The following IL7 variants were observed in gnomAD, a reference collection of about 807,000 sequenced individuals.
IL7 encodes interleukin 7, also known as interleukin-7.
IL7 carries 3 observed loss-of-function variants against 21.6 expected under a neutral mutation model. That is an observed-to-expected ratio of 0.14 (90% CI 0.06 to 0.36). The LOEUF is 0.36. Ranked by LOEUF, IL7 falls within the 10% of genes least tolerant of loss-of-function variation. The pLI is 1.00. For synonymous variants in IL7, 62 were observed against 68.1 expected, an observed-to-expected ratio of 0.91 and a Z score of 0.44; for missense variants, 175 against 200.2, an observed-to-expected ratio of 0.87 and a Z score of 0.76.
chr8:78,696,217 G>A (rs1810407795), intron 3 of IL7, among the ~76,000 whole-genome samples: 1 of 152,020 alleles, frequency 6.6e-6, no homozygotes, highest in Non-Finnish European at 1.5e-5. Context: ...TGTATTTTTA[G>A]TAGAGACGGG....
At chr8:78,689,169 T>C (rs1810124354) in intron 3 of IL7, 3 of 1,298,998 alleles carry the variant, frequency 2.3e-6, no homozygotes, top group South Asian at 4.7e-5. Flanking sequence ...GATTTTTTAA[T>C]GTCCGTTTCA....
chr8:78,775,862 T>A (rs10097303), intron 2 of IL7, among the ~76,000 whole-genome samples: 1 of 152,054 alleles, frequency 6.6e-6, no homozygotes, highest in East Asian at 1.9e-4. Flanking sequence ...TGGACCTCTG[T>A]GTAAGATTTT....
intron 2 of IL7, among the ~76,000 whole-genome samples, chr8:78,785,195 A>G (rs1813469080): frequency 6.6e-6 from 1 of 152,114 alleles, no homozygotes; most frequent in Non-Finnish European, 1.5e-5. Flanking sequence ...TTTATAGTAC[A>G]TGATATACTA....
intron 5 of IL7, among the ~76,000 whole-genome samples, chr8:78,720,721 T>G (rs1811221613): frequency 6.6e-6 from 1 of 151,958 alleles, no homozygotes. Context: ...TTGATAGAGA[T>G]ATTTAATAAT....
intron 2 of IL7, among the ~76,000 whole-genome samples, chr8:78,787,347 T>C (rs1343875599): frequency 6.6e-6 from 1 of 152,172 alleles, no homozygotes; most frequent in Non-Finnish European, 1.5e-5. Context: ...AGTGTCATAA[T>C]TGAATTGACA....
At chr8:78,786,243 T>C (rs1363390319) in intron 2 of IL7, among the ~76,000 whole-genome samples, 1 of 152,218 alleles carries the variant, frequency 6.6e-6, no homozygotes, top group Non-Finnish European at 1.5e-5. Flanking sequence ...TATAGTCTAT[T>C]GCTCTCAGGC....
chr8:78,778,885 G>GT, intron 2 of IL7, among the ~76,000 whole-genome samples: 1 of 152,066 alleles, frequency 6.6e-6, no homozygotes, highest in Admixed American at 6.6e-5. Flanking sequence ...AGCATGACAT[G>GT]TTTTTTCATT....
downstream of IL7, among the ~76,000 whole-genome samples, chr8:78,675,155 A>C (rs1350857935): frequency 6.6e-6 from 1 of 151,600 alleles, no homozygotes; most frequent in East Asian, 1.9e-4. Context: ...AATTGAGTGA[A>C]AGTTGTAGCT....
intron 4 of IL7, chr8:78,685,783 G>A (rs2130481177): frequency 6.6e-6 from 1 of 152,254 alleles, no homozygotes; most frequent in South Asian, 2.1e-4. Flanking sequence ...TCTGTTAGAG[G>A]ATCTATGGAA....
At chr8:78,701,894 T>C (rs2130564329) in intron 3 of IL7, among the ~76,000 whole-genome samples, 1 of 152,288 alleles carries the variant, frequency 6.6e-6, no homozygotes. Context: ...GATTTGCTAG[T>C]ATTTTGTTGA....
At chr8:78,738,064 A>T (rs1368678448) in intron 4 of IL7, among the ~76,000 whole-genome samples, 1 of 152,140 alleles carries the variant, frequency 6.6e-6, no homozygotes, top group Admixed American at 6.6e-5. Flanking sequence ...AAAGAAGGGA[A>T]AATTGTTGGA....
intron 1 of IL7, among the ~76,000 whole-genome samples, chr8:78,799,896 A>G (rs1188375674): frequency 2.0e-5 from 3 of 152,152 alleles, no homozygotes; most frequent in Non-Finnish European, 4.4e-5. Flanking sequence ...TAATTTAAAA[A>G]AAATATTTTG....
At chr8:78,728,618 C>G (rs1406021576), downstream of IL7, among the ~76,000 whole-genome samples, 3 of 151,986 alleles carry the variant, frequency 2.0e-5, no homozygotes, top group African/African-American at 7.2e-5. Context: ...ACAAATAAGT[C>G]ATGAACCTAA....
At chr8:78,801,096 A>G (rs1164335976) in intron 1 of IL7, among the ~76,000 whole-genome samples, 1 of 152,198 alleles carries the variant, frequency 6.6e-6, no homozygotes, top group Non-Finnish European at 1.5e-5. Context: ...TCAATTTTAA[A>G]ACATAATTTG....
chr8:78,764,002 T>C lies in IL7; in HGVS notation c.148-23920A>G, dbSNP rs992097400. ...ATAGCACTTATCATCTACACCACAA[T>C]TGAGTGGATTTAATTTCAGGTATGC... On this transcript the variant is annotated intron_variant, in intron 2 of 5. Transcript: ENST00000263851. Among the ~76,000 whole-genome samples the C allele has an allele frequency of 5.9e-5, 9 of 152,288 alleles. 1 individual carries two copies. In the South Asian group the frequency reaches 1.7e-3, roughly 28 times the overall value.
chr8:78,763,149 G>A lies in IL7; in HGVS notation c.148-23067C>T, dbSNP rs141467107. ...GCTGCACACAAGCACTGTCAGTGGT[G>A]AGTAGAATTGGCCAATATGCAGCCC... On this transcript the variant is annotated intron_variant, in intron 2 of 5. Transcript: ENST00000263851. 5.0e-3 allele frequency among the ~76,000 whole-genome samples: 763 copies of A among 152,350 alleles called. 10 individuals are homozygous for A. The highest frequency in any genetic ancestry group is 0.018 in the African/African-American group (736 of 41,578).
chr8:78,698,414 G>T (rs1458103060), intron 3 of IL7: 2 of 1,607,506 alleles, frequency 1.2e-6, no homozygotes, highest in African/African-American at 2.7e-5. Flanking sequence ...TTATTATAAG[G>T]TGTTCCTTCA....
chr8:78,789,575 A>T (rs1433344782), intron 2 of IL7, among the ~76,000 whole-genome samples: 6 of 152,102 alleles, frequency 3.9e-5, no homozygotes, highest in Non-Finnish European at 7.4e-5. Flanking sequence ...AAGAAGAAAA[A>T]TGGTAACAGA....
At chr8:78,781,393 C>T (rs1482490976) in intron 2 of IL7, among the ~76,000 whole-genome samples, 7 of 152,144 alleles carry the variant, frequency 4.6e-5, no homozygotes, top group African/African-American at 1.7e-4. Flanking sequence ...CCTTCAGTAA[C>T]TCTTGCATGG....
Sources: allele counts gnomAD v4.1 joint callset (sites outside exome capture counted in the v4.1 genomes callset), GRCh38; gene constraint gnomAD v4.1.1; transcripts MANE v1.5; gene names NCBI Gene and HGNC (gene_info 2026-07-23, HGNC 2026-07-21).